Variants in UCK2 observed in about 807,000 individuals in gnomAD.
UCK2 encodes the protein uridine-cytidine kinase 2, also known as cytidine monophosphokinase 2.
Under a neutral mutation model 30.8 loss-of-function variants are expected in UCK2, and 6 were observed. That is an observed-to-expected ratio of 0.19 (90% CI 0.11 to 0.38). The LOEUF (loss-of-function observed/expected upper bound fraction) is 0.38. Among genes scored for constraint, UCK2 ranks in the 10% least tolerant of loss-of-function variants. UCK2 has a pLI of 1.00. For missense variants in UCK2, 210 were observed against 339.8 expected, an observed-to-expected ratio of 0.62 and a Z score of 3.00; for synonymous variants, 125 against 133.6, an observed-to-expected ratio of 0.94 and a Z score of 0.45.
At chr1:165,849,404 C>T (rs757048086) in intron 1 of UCK2, among the ~76,000 whole-genome samples, 1 of 151,752 alleles carries the variant, frequency 6.6e-6, no homozygotes, top group Non-Finnish European at 1.5e-5. Flanking sequence ...AGAGTGGACT[C>T]GGGACCACAG....
At position 165,857,653 on chromosome 1, in the gene UCK2, C is replaced by A. The variant is rs375596279; in HGVS notation, c.99+29721C>A. The stretch of plus-strand genomic sequence containing the variant: ...GGCTTGGAACAGCAGTGTGTGCTCA[C>A]ACCTGGTACGTAGCAGGAGTGAGAG... On this transcript the variant is annotated intron_variant, in intron 1 of 6. Transcript: ENST00000367879. 5.2e-4 allele frequency among the ~76,000 whole-genome samples: 79 copies of A among 152,286 alleles called. No individual in the cohort carries two copies. The South Asian group carries it at 0.015, about 29-fold the overall frequency.
chr1:165,895,096 A>G (rs1438885898), intron 3 of UCK2, among the ~76,000 whole-genome samples: 1 of 152,148 alleles, frequency 6.6e-6, no homozygotes, highest in East Asian at 1.9e-4. Flanking sequence ...CCGTTTAGCA[A>G]TGTTTCACCC....
At chr1:165,871,330 C>G (rs1329457439) in intron 1 of UCK2, among the ~76,000 whole-genome samples, 3 of 152,194 alleles carry the variant, frequency 2.0e-5, no homozygotes, top group Non-Finnish European at 4.4e-5. Flanking sequence ...GTACTCCAGA[C>G]TTGCTGCTGC....
At chr1:165,874,700 T>A (rs1655290392) in intron 1 of UCK2, among the ~76,000 whole-genome samples, 1 of 152,216 alleles carries the variant, frequency 6.6e-6, no homozygotes, top group Admixed American at 6.5e-5. Flanking sequence ...AGGAAGATTT[T>A]TTTTTTAACG....
At chr1:165,878,634 G>A (rs766574359) in intron 1 of UCK2, among the ~76,000 whole-genome samples, 2 of 152,170 alleles carry the variant, frequency 1.3e-5, no homozygotes, top group Non-Finnish European at 2.9e-5. Flanking sequence ...GTAAGCCACC[G>A]TGCCCGGCTG....
At chr1:165,901,082 G>C (rs1263891874) in intron 4 of UCK2, among the ~76,000 whole-genome samples, 1 of 152,126 alleles carries the variant, frequency 6.6e-6, no homozygotes, top group Non-Finnish European at 1.5e-5. Flanking sequence ...GCTCCTTAGG[G>C]CTCCTTCTTA....
At chr1:165,854,677 G>GA (rs1010574316) in intron 1 of UCK2, among the ~76,000 whole-genome samples, 1 of 151,716 alleles carries the variant, frequency 6.6e-6, no homozygotes, top group African/African-American at 2.4e-5. Context: ...CTTCAGATTA[G>GA]AAAAAAATCT....
chr1:165,895,598 C>A, intron 3 of UCK2: 1 of 985,558 alleles, frequency 1.0e-6, no homozygotes, highest in Non-Finnish European at 1.2e-6. Flanking sequence ...AGAGCCAGAC[C>A]AGACAGACGT....
At chr1:165,886,839 A>G (rs528897643) in intron 1 of UCK2, among the ~76,000 whole-genome samples, 5 of 152,322 alleles carry the variant, frequency 3.3e-5, no homozygotes, top group African/African-American at 1.2e-4. Flanking sequence ...AGAGAGGATG[A>G]TATAACCAAA....
intron 2 of UCK2, 109 bp from the exon 3 acceptor site, chr1:165,891,117 T>C (rs1224815813): frequency 1.0e-6 from 1 of 978,738 alleles, no homozygotes; most frequent in Non-Finnish European, 1.6e-6. Flanking sequence ...TATGATTACC[T>C]TTAAAGTGTG....
At chr1:165,843,882 T>A (rs1654385802) in intron 1 of UCK2, among the ~76,000 whole-genome samples, 1 of 152,254 alleles carries the variant, frequency 6.6e-6, no homozygotes, top group South Asian at 2.1e-4. Context: ...TATTTTTTTC[T>A]TATATCACTA....
At chr1:165,837,256 T>G (rs904265340) in intron 1 of UCK2, among the ~76,000 whole-genome samples, 1 of 152,232 alleles carries the variant, frequency 6.6e-6, no homozygotes, top group African/African-American at 2.4e-5. Flanking sequence ...ATCTGTATAT[T>G]CATCTACAGA....
chr1:165,907,039 G>A (rs1185746972), intron 6 of UCK2, among the ~76,000 whole-genome samples: 1 of 152,078 alleles, frequency 6.6e-6, no homozygotes, highest in African/African-American at 2.4e-5. Flanking sequence ...CTCAATTTGG[G>A]TTTGTCTTTT....
chr1:165,895,625 C>G, intron 3 of UCK2: 1 of 985,690 alleles, frequency 1.0e-6, no homozygotes, highest in Non-Finnish European at 1.2e-6. Flanking sequence ...TCTGTACTTC[C>G]TCACAAATGC....
At chr1:165,857,947 A>C (rs1231925638) in intron 1 of UCK2, among the ~76,000 whole-genome samples, 1 of 152,172 alleles carries the variant, frequency 6.6e-6, no homozygotes, top group Non-Finnish European at 1.5e-5. Flanking sequence ...TATCTGCTGG[A>C]GGGATTGAGA....
intron 1 of UCK2, among the ~76,000 whole-genome samples, chr1:165,855,259 T>C (rs1654711380): frequency 6.6e-6 from 1 of 152,190 alleles, no homozygotes; most frequent in Non-Finnish European, 1.5e-5. Context: ...AGTTATATAA[T>C]GTATTAGGCT....
intron 1 of UCK2, among the ~76,000 whole-genome samples, chr1:165,870,777 GT>G (rs35109366): frequency 0.33 from 50,683 of 152,120 alleles, 8,613 homozygotes; most frequent in East Asian, 0.44. Flanking sequence ...AGTTATATAT[GT>G]GTTATTATTT....
At position 165,837,928 on chromosome 1, in the gene UCK2, G is replaced by A. The variant is rs147855307; in HGVS notation, c.99+9996G>A. 1.6e-3 allele frequency among the ~76,000 whole-genome samples: 246 copies of A among 152,210 alleles called. 1 individual carries two copies. Among genetic ancestry groups the A allele is most frequent in the South Asian group, 3.5e-3 (17 of 4,812 alleles). ...TCTAGTTGCTCAGGCCTAAAACCTC[G>A]GGGTTATCCTTGACTACTCTTTATT... On this transcript the variant is annotated intron_variant, in intron 1 of 6. Transcript: ENST00000367879.
At chr1:165,868,440 T>C (rs1655106196) in intron 1 of UCK2, among the ~76,000 whole-genome samples, 1 of 152,250 alleles carries the variant, frequency 6.6e-6, no homozygotes, top group Non-Finnish European at 1.5e-5. Flanking sequence ...CTGTTTTTTC[T>C]ACATTGAAAA....
Sources: gnomAD v4.1 joint callset for allele counts (sites outside exome capture counted in the v4.1 genomes callset) on GRCh38, gnomAD v4.1.1 for gene constraint, MANE v1.5 for transcripts, NCBI Gene and HGNC (gene_info 2026-07-23, HGNC 2026-07-21) for gene names.